AK5: variants seen among roughly 807,000 people sequenced by gnomAD.
The protein encoded by AK5 is adenylate kinase 5.
Under a neutral mutation model 69.5 loss-of-function variants are expected in AK5, and 27 were observed. The ratio of observed to expected loss-of-function variants is 0.39; its 90% CI spans 0.29 to 0.54. AK5 has a LOEUF of 0.54. Among genes scored for constraint, AK5 ranks in the 20% least tolerant of loss-of-function variants. The pLI is 0.71. For missense variants in AK5, 531 were observed against 700.4 expected (o/e 0.76, Z 2.73); for synonymous variants, 260 against 244.4 (o/e 1.06, Z -0.60).
chr1:77,407,080 T>TA (rs61188538), intron 6 of AK5, among the ~76,000 whole-genome samples: 2 of 146,760 alleles, frequency 1.4e-5, no homozygotes, highest in African/African-American at 5.0e-5. Flanking sequence ...CATAATGAGG[T>TA]AAAAAAAAAA....
At chr1:77,480,934 G>T (rs1231607203) in intron 8 of AK5, among the ~76,000 whole-genome samples, 1 of 152,202 alleles carries the variant, frequency 6.6e-6, no homozygotes. Context: ...GGAGAAGCAG[G>T]ATAGGGCAGG....
At chr1:77,320,567 G>A (rs1194258814) in intron 5 of AK5, among the ~76,000 whole-genome samples, 2 of 152,074 alleles carry the variant, frequency 1.3e-5, no homozygotes, top group Admixed American at 1.3e-4. Context: ...TGGTCAATAT[G>A]GTGAAACCCC....
At chr1:77,451,141 A>T (rs535984422) in intron 8 of AK5, among the ~76,000 whole-genome samples, 1 of 152,284 alleles carries the variant, frequency 6.6e-6, no homozygotes, top group East Asian at 1.9e-4. Context: ...CTACCACTGC[A>T]CTACAGCCTA....
chr1:77,422,615 T>A (rs1411219784), intron 8 of AK5, among the ~76,000 whole-genome samples: 2 of 152,080 alleles, frequency 1.3e-5, no homozygotes, highest in South Asian at 2.1e-4. Context: ...TCATGCACCA[T>A]CAGGACCAAG....
Position 77,417,653 on chromosome 1 carries a change from G to T in AK5, c.997G>T (p.Asp333Tyr). ...CCTAATCTTAGGTTCAAGTGACCTTGATCCTTCGATGATATTGGACACTGG... is the reference window on the plus strand; with the variant it reads ...CCTAATCTTAGGTTCAAGTGACCTTTATCCTTCGATGATATTGGACACTGG... The part of the protein sequence containing the change: ...KEAAAGSSDL[D>Y]PSMILDTGEI... The change falls in exon 8 of 14, where the codon GAT becomes TAT. Residue 333 changes from aspartate to tyrosine, a missense_variant. By Grantham distance (160) the Asp-to-Tyr change is radical. Transcript: ENST00000354567. The T allele has an allele frequency of 6.2e-7, 1 of 1,608,058 alleles. No individual in the cohort carries two copies. Among genetic ancestry groups the T allele is most frequent in the South Asian group, 1.1e-5 (1 of 90,722 alleles).
rs575750288 is a variant in AK5, at chr1:77,460,287, A to G, written c.1060-23030A>G. On this transcript the variant is annotated intron_variant, in intron 8 of 13. Coordinates refer to ENST00000354567, the MANE Select transcript of AK5 (RefSeq NM_174858.3). The stretch of plus-strand genomic sequence containing the variant: ...TAGCTTCATTACAAAAGATGAATCA[A>G]ATGAAGAGCATTTAGAATAGTAGCA... Among the ~76,000 whole-genome samples the G allele has an allele frequency of 3.9e-5, 6 of 152,386 alleles. No homozygotes were observed. The South Asian group carries it at 1.2e-3, about 32-fold the overall frequency.
At chr1:77,287,156 T>A in intron 2 of AK5, 29 bp downstream of exon 2, 1 of 1,428,734 alleles carries the variant, frequency 7.0e-7, no homozygotes, top group Non-Finnish European at 9.3e-7. Flanking sequence ...AATAGACAGT[T>A]TTATAGTTAT....
At chr1:77,333,726 G>T (rs569776180) in intron 5 of AK5, among the ~76,000 whole-genome samples, 5 of 152,132 alleles carry the variant, frequency 3.3e-5, no homozygotes, top group Non-Finnish European at 7.3e-5. Flanking sequence ...CTACTTGCAC[G>T]CTACAAGACC....
At chr1:77,357,592 G>T (rs1310989917) in intron 6 of AK5, among the ~76,000 whole-genome samples, 1 of 152,132 alleles carries the variant, frequency 6.6e-6, no homozygotes, top group Non-Finnish European at 1.5e-5. Flanking sequence ...AAGATGATAG[G>T]TACCTGGTGA....
intron 12 of AK5, among the ~76,000 whole-genome samples, chr1:77,531,488 T>C (rs1658585500): frequency 1.3e-5 from 2 of 152,120 alleles, no homozygotes; most frequent in African/African-American, 2.4e-5. Context: ...ATACAGAGTG[T>C]GGACACAAAG....
intron 8 of AK5, among the ~76,000 whole-genome samples, chr1:77,419,776 G>T (rs1338387928): frequency 6.6e-6 from 1 of 152,146 alleles, no homozygotes; most frequent in East Asian, 1.9e-4. Context: ...TGGAGCCGAG[G>T]TTATTTTTTA....
At chr1:77,378,411 T>G (rs1647382775) in intron 6 of AK5, among the ~76,000 whole-genome samples, 1 of 152,168 alleles carries the variant, frequency 6.6e-6, no homozygotes, top group African/African-American at 2.4e-5. Flanking sequence ...AACCTCCGCC[T>G]CTCGGGTTCA....
At chr1:77,312,431 A>T (rs1472123206) in intron 5 of AK5, among the ~76,000 whole-genome samples, 1 of 152,008 alleles carries the variant, frequency 6.6e-6, no homozygotes, top group East Asian at 1.9e-4. Context: ...GCTGGCCAAT[A>T]TGGCAAAACC....
chr1:77,527,432 G>A (rs1222784407), intron 12 of AK5, among the ~76,000 whole-genome samples: 3 of 152,180 alleles, frequency 2.0e-5, no homozygotes, highest in African/African-American at 4.8e-5. Context: ...CGTTCAGACC[G>A]GTTTTAGAAT....
intron 10 of AK5, among the ~76,000 whole-genome samples, chr1:77,506,211 C>T (rs1033948888): frequency 4.3e-5 from 5 of 115,572 alleles, no homozygotes; most frequent in Admixed American, 2.7e-4. Flanking sequence ...AACAAAGGAT[C>T]GGTGTTTGGT....
intron 5 of AK5, among the ~76,000 whole-genome samples, chr1:77,300,677 A>C (rs909773371): frequency 5.3e-5 from 8 of 152,138 alleles, no homozygotes; most frequent in Non-Finnish European, 1.2e-4. Context: ...CACTATCCAG[A>C]GTTAGTTCAG....
intron 9 of AK5, among the ~76,000 whole-genome samples, chr1:77,483,962 A>G (rs1164378379): frequency 6.6e-6 from 1 of 151,970 alleles, no homozygotes; most frequent in Non-Finnish European, 1.5e-5. Flanking sequence ...GTCAGGAATT[A>G]AAGACCCTGG....
At chr1:77,489,007 G>C (rs1160802920) in intron 10 of AK5, among the ~76,000 whole-genome samples, 1 of 152,142 alleles carries the variant, frequency 6.6e-6, no homozygotes, top group East Asian at 1.9e-4. Context: ...AGTATGTTTT[G>C]TGGTGGTTGT....
At chr1:77,361,774 C>G (rs918569166) in intron 6 of AK5, among the ~76,000 whole-genome samples, 4 of 152,120 alleles carry the variant, frequency 2.6e-5, no homozygotes, top group African/African-American at 9.7e-5. Flanking sequence ...CATTTTTAAA[C>G]CCATCAGATC....
Sources: gnomAD v4.1 joint callset for allele counts (sites outside exome capture counted in the v4.1 genomes callset) on GRCh38, gnomAD v4.1.1 for gene constraint, MANE v1.5 for transcripts, NCBI Gene and HGNC (gene_info 2026-07-23, HGNC 2026-07-21) for gene names.